The following WDR59 variants were observed in gnomAD, a reference collection of about 807,000 sequenced individuals.
The protein encoded by WDR59 is GATOR2 complex protein WDR59.
Under a neutral mutation model 131.2 loss-of-function variants are expected in WDR59, and 100 were observed. The ratio of observed to expected loss-of-function variants is 0.76; its 90% CI spans 0.65 to 0.90. WDR59 has a LOEUF of 0.90. WDR59 is among the 40% of genes least tolerant of loss of function. The pLI is 0.00. For synonymous variants in WDR59, 601 were observed against 466.2 expected (o/e 1.29, Z -3.72); for missense variants, 1,203 against 1,262.2 (o/e 0.95, Z 0.71).
At position 74,923,913 on chromosome 16, in the gene WDR59, G is replaced by C; in HGVS notation, c.729+13C>G. The C allele has an allele frequency of 6.2e-7, 1 of 1,612,148 alleles. No homozygotes were observed. Among genetic ancestry groups the C allele is most frequent in the Non-Finnish European group, 8.5e-7 (1 of 1,179,264 alleles). On this transcript the variant is annotated intron_variant, in intron 9 of 25. Coordinates refer to ENST00000262144, the MANE Select transcript of WDR59 (RefSeq NM_030581.4). ...AAGAAGTTTCTTATCAAGAGGCAGG[G>C]TGGCTCACTCACTGTGTATCTGGCC...
At position 74,981,639 on chromosome 16, in the gene WDR59, TATATATA is replaced by T. The variant is rs2034419255; in HGVS notation, c.54+3318_54+3324del. On this transcript the variant is annotated intron_variant, in intron 1 of 25. Coordinates refer to ENST00000262144, the MANE Select transcript of WDR59 (RefSeq NM_030581.4). Reference sequence around the variant, plus strand: ...ATATATATATATATATATATATATATATATATATATATATATATATATTTTTTTTTTT... The same window carrying T: ...ATATATATATATATATATATATATATTATATATATATATATTTTTTTTTTT... Among the ~76,000 whole-genome samples, 166 of 40,894 alleles carry T rather than the reference TATATATA, an allele frequency of 4.1e-3. 22 individuals are homozygous for T. Among genetic ancestry groups the T allele is most frequent in the African/African-American group, 0.02 (159 of 7,790 alleles). The allele number at this position is 40,894 out of a possible 152,430, so 26.8% of individuals were successfully genotyped here.
chr16:74,956,417 T>C (rs1257503212), intron 3 of WDR59, 58 bp downstream of exon 3: 1 of 1,589,986 alleles, frequency 6.3e-7, no homozygotes, highest in Non-Finnish European at 8.6e-7. Context: ...GGCATAGATC[T>C]GCCAGCCCCA....
At chr16:74,890,268 A>G (rs1327055342) in intron 20 of WDR59, among the ~76,000 whole-genome samples, 1 of 152,126 alleles carries the variant, frequency 6.6e-6, no homozygotes, top group East Asian at 1.9e-4. Context: ...CTCCTGCCTC[A>G]GCCTCCCGAG....
chr16:74,888,999 A>T (rs1964910261), intron 21 of WDR59, among the ~76,000 whole-genome samples: 1 of 152,226 alleles, frequency 6.6e-6, no homozygotes, highest in Admixed American at 6.5e-5. Context: ...TTTCACACTC[A>T]CTATCTTATT....
chr16:74,913,543 G>A (rs1267207610), intron 13 of WDR59, among the ~76,000 whole-genome samples: 1 of 152,046 alleles, frequency 6.6e-6, no homozygotes, highest in East Asian at 1.9e-4. Flanking sequence ...CACCCACCTT[G>A]GCCTCCTAAA....
Position 74,916,201 on chromosome 16 carries a change from A to T in WDR59, c.1025T>A (p.Leu342Gln). The stretch of plus-strand genomic sequence containing the variant: ...GTGCAGGGTCTTCTCAGGTTCCGGC[A>T]GAAGGGAAATACTCTCAATGAACTC... The part of the protein sequence containing the change: ...VDEFIESISL[L>Q]PEPEKTLHTE... Residue 342 changes from leucine to glutamine, a missense_variant, in exon 12 of 26, where the codon CTG becomes CAG. Leu to Gln is a moderately radical substitution (Grantham distance 113). Transcript: ENST00000262144. The T allele has an allele frequency of 6.2e-7, 1 of 1,614,086 alleles. No individual in the cohort carries two copies. The highest frequency in any genetic ancestry group is 8.5e-7 in the Non-Finnish European group (1 of 1,179,946).
intron 2 of WDR59, among the ~76,000 whole-genome samples, chr16:74,963,846 G>A (rs1045386026): frequency 2.0e-5 from 3 of 151,810 alleles, no homozygotes; most frequent in South Asian, 2.1e-4. Context: ...GCAGTGAGCC[G>A]AGATCACATC....
chr16:74,927,908 C>T (rs13330603), intron 8 of WDR59, among the ~76,000 whole-genome samples: 3,885 of 124,438 alleles, frequency 0.031, 247 homozygotes, highest in African/African-American at 0.11. Flanking sequence ...TTCTTTCTTT[C>T]TTTTTTTTTT....
chr16:74,936,843 T>TA (rs2031840470), intron 8 of WDR59, among the ~76,000 whole-genome samples: 1 of 151,156 alleles, frequency 6.6e-6, no homozygotes, highest in African/African-American at 2.4e-5. Flanking sequence ...AATAAATAAA[T>TA]AAAAACAAAA....
intron 1 of WDR59, among the ~76,000 whole-genome samples, chr16:74,969,938 T>A (rs1235832229): frequency 1.3e-5 from 2 of 151,848 alleles, no homozygotes; most frequent in Non-Finnish European, 2.9e-5. Context: ...TGGGGGGTTT[T>A]CTTGAGACAG....
At chr16:74,980,884 G>C (rs1204086272) in intron 1 of WDR59, among the ~76,000 whole-genome samples, 28 of 151,586 alleles carry the variant, frequency 1.8e-4, no homozygotes, top group Non-Finnish European at 4.4e-5. Flanking sequence ...AGAAGCACTT[G>C]AACCCAGGAG....
chr16:74,884,319 G>A (rs1394669376), intron 25 of WDR59, among the ~76,000 whole-genome samples: 1 of 152,164 alleles, frequency 6.6e-6, no homozygotes, highest in Non-Finnish European at 1.5e-5. Flanking sequence ...TATGCCCTTG[G>A]AAGCTTACCA....
At chr16:74,882,090 C>G in intron 25 of WDR59, among the ~76,000 whole-genome samples, 1 of 152,228 alleles carries the variant, frequency 6.6e-6, no homozygotes, top group Non-Finnish European at 1.5e-5. Context: ...TCTTGACCCA[C>G]CAAACCACAC....
intron 1 of WDR59, among the ~76,000 whole-genome samples, chr16:74,966,347 G>A (rs2033775098): frequency 6.6e-6 from 1 of 152,106 alleles, no homozygotes; most frequent in Non-Finnish European, 1.5e-5. Flanking sequence ...CGGTGTTGTG[G>A]TGGACACCTG....
chr16:74,887,552 T>C, intron 23 of WDR59, 131 bp downstream of exon 23: 3 of 865,332 alleles, frequency 3.5e-6, no homozygotes, highest in South Asian at 3.6e-5. Flanking sequence ...AGAGTATCCC[T>C]ATCACAGTAA....
chr16:74,960,333 A>G (rs1365737108), intron 2 of WDR59, among the ~76,000 whole-genome samples: 1 of 151,928 alleles, frequency 6.6e-6, no homozygotes, highest in African/African-American at 2.4e-5. Flanking sequence ...TCCATCTAAA[A>G]AAAAGAAAGA....
chr16:74,903,478 T>A (rs749632124), intron 18 of WDR59, among the ~76,000 whole-genome samples: 1 of 143,478 alleles, frequency 7.0e-6, no homozygotes, highest in Non-Finnish European at 1.5e-5. Context: ...GGTATTTCCA[T>A]GTAGACTTAG....
rs2032331435 is a variant in WDR59, at chr16:74,942,745, T to C, written c.527A>G (p.Asp176Gly). ...TSHDGDVRIWDKRKPSTAVEY... is the reference protein window; with the variant it reads ...TSHDGDVRIWGKRKPSTAVEY... ...AAAAAAGAGATTACTCACCCTCTTA[T>C]CCCATATCCGCACATCGCCGTCATG... Residue 176 changes from aspartate (D) to glycine (G), a missense_variant, in exon 7 of 26, where the codon GAT (aspartate) becomes GGT (glycine). Physicochemically the swap from Asp to Gly is moderately conservative, Grantham distance 94. Transcript: ENST00000262144. 5 of 1,613,956 alleles carry C rather than the reference T, an allele frequency of 3.1e-6. No homozygotes were observed. The highest frequency in any genetic ancestry group is 3.4e-6 in the Non-Finnish European group (4 of 1,179,892).
chr16:74,879,832 C>A (rs1265647904), intron 25 of WDR59, among the ~76,000 whole-genome samples: 2 of 152,132 alleles, frequency 1.3e-5, no homozygotes, highest in Admixed American at 1.3e-4. Flanking sequence ...ATGCTCAGAA[C>A]AATGGGTAAG....
Sources: allele counts gnomAD v4.1 joint callset (sites outside exome capture counted in the v4.1 genomes callset), GRCh38; gene constraint gnomAD v4.1.1; transcripts MANE v1.5; gene names NCBI Gene and HGNC (gene_info 2026-07-23, HGNC 2026-07-21).